Variants in SEMA3E observed in about 807,000 individuals in gnomAD.
The protein encoded by SEMA3E is semaphorin-3E.
SEMA3E carries 49 observed loss-of-function variants against 93.6 expected under a neutral mutation model. That is an observed-to-expected ratio of 0.52 (90% CI 0.42 to 0.66). The LOEUF (loss-of-function observed/expected upper bound fraction) is 0.66. SEMA3E is among the 30% of genes least tolerant of loss of function. The probability of loss-of-function intolerance (pLI) is 0.00; values close to 1 mark genes in which losing one functional copy is unlikely to be tolerated. For synonymous variants in SEMA3E, 363 were observed against 330.7 expected, an observed-to-expected ratio of 1.10 and a Z score of -1.06; for missense variants, 906 against 964.8, an observed-to-expected ratio of 0.94 and a Z score of 0.81.
intron 14 of SEMA3E, among the ~76,000 whole-genome samples, chr7:83,389,519 T>C (rs886081195): frequency 8.0e-6 from 1 of 124,718 alleles, no homozygotes; most frequent in African/African-American, 2.5e-5. Flanking sequence ...CATCACATTC[T>C]CCAGCAAGGT....
intron 3 of SEMA3E, among the ~76,000 whole-genome samples, chr7:83,467,544 T>C (rs1584268489): frequency 6.6e-6 from 1 of 152,236 alleles, no homozygotes; most frequent in African/African-American, 2.4e-5. Context: ...AAACTTTTTC[T>C]GTAAAGGACG....
At chr7:83,553,867 TAAATTTCCA>T (rs1562830322) in intron 1 of SEMA3E, among the ~76,000 whole-genome samples, 1 of 152,154 alleles carries the variant, frequency 6.6e-6, no homozygotes, top group Non-Finnish European at 1.5e-5. Context: ...TTTTATTATG[TAAATTTCCA>T]AAAATATGCA....
At chr7:83,372,820 T>C (rs1794767693) in intron 16 of SEMA3E, 1 of 152,156 alleles carries the variant, frequency 6.6e-6, no homozygotes, top group Admixed American at 6.5e-5. Flanking sequence ...CCTAGAAAGT[T>C]AGAGGTATCT....
At chr7:83,400,291 C>A in intron 10 of SEMA3E, 41 bp from the exon 11 acceptor site, 3 of 1,564,528 alleles carry the variant, frequency 1.9e-6, no homozygotes, top group Non-Finnish European at 2.6e-6. Context: ...TTGCTTTACA[C>A]CCAAAGAGAA....
At chr7:83,593,252 C>G (rs1031228603) in intron 1 of SEMA3E, among the ~76,000 whole-genome samples, 10 of 120,670 alleles carry the variant, frequency 8.3e-5, no homozygotes, top group African/African-American at 4.2e-5. Context: ...CTCTTTCTCT[C>G]TCTCTCTGTC....
intron 4 of SEMA3E, among the ~76,000 whole-genome samples, chr7:83,430,867 G>A (rs1259055155): frequency 6.6e-6 from 1 of 152,064 alleles, no homozygotes; most frequent in East Asian, 1.9e-4. Flanking sequence ...AAAAATTGAT[G>A]TGAAATCTTT....
rs1334904555 is a variant in SEMA3E, at chr7:83,366,145, A to G, written c.*1441T>C. The G allele has an allele frequency of 6.6e-6, 1 of 152,134 alleles. No homozygotes were observed. The highest frequency in any genetic ancestry group is 2.4e-5 in the African/African-American group (1 of 41,462). The allele number at this position is 152,134 out of a possible 1,614,324, so 9.4% of individuals were successfully genotyped here. On this transcript the variant is annotated 3_prime_UTR_variant, in exon 17 of 17. Transcript: ENST00000643230. ...GCACTTTAACTTAAATGTATAACCT[A>G]TAAGCTAACTTTGAAAACTGAAATA...
At chr7:83,446,840 A>C (rs1789241218) in intron 4 of SEMA3E, among the ~76,000 whole-genome samples, 1 of 152,180 alleles carries the variant, frequency 6.6e-6, no homozygotes, top group South Asian at 2.1e-4. Context: ...AACATTTAAC[A>C]CTCCCTTGTG....
intron 2 of SEMA3E, among the ~76,000 whole-genome samples, chr7:83,472,990 C>T (rs1434774162): frequency 6.6e-6 from 1 of 152,176 alleles, no homozygotes; most frequent in East Asian, 1.9e-4. Context: ...TTCCTGAGGC[C>T]TCCCTGGCAA....
At chr7:83,432,990 G>T (rs891824758) in intron 4 of SEMA3E, among the ~76,000 whole-genome samples, 4 of 152,100 alleles carry the variant, frequency 2.6e-5, no homozygotes, top group Non-Finnish European at 5.9e-5. Context: ...AGTAGCTTTT[G>T]AAAACTTTTG....
intron 1 of SEMA3E, among the ~76,000 whole-genome samples, chr7:83,505,203 T>G (rs35938469): frequency 0.37 from 55,899 of 152,012 alleles, 11,243 homozygotes; most frequent in East Asian, 0.43. Context: ...TATTTCAGCC[T>G]TTTTTCATAA....
intron 1 of SEMA3E, among the ~76,000 whole-genome samples, chr7:83,501,519 C>T (rs1484750627): frequency 1.3e-5 from 2 of 152,116 alleles, no homozygotes; most frequent in Non-Finnish European, 1.5e-5. Context: ...GTGGCACGAT[C>T]TTGGCTTACT....
intron 1 of SEMA3E, among the ~76,000 whole-genome samples, chr7:83,558,212 T>A (rs984063896): frequency 6.6e-6 from 1 of 152,182 alleles, no homozygotes; most frequent in African/African-American, 2.4e-5. Context: ...GTATATATAT[T>A]TTTTAAAGAC....
intron 1 of SEMA3E, among the ~76,000 whole-genome samples, chr7:83,609,868 T>G (rs534524952): frequency 6.6e-6 from 1 of 152,086 alleles, no homozygotes; most frequent in Non-Finnish European, 1.5e-5. Flanking sequence ...CTAATGTATT[T>G]TAAACCTTAC....
At chr7:83,599,688 A>G (rs1792943153) in intron 1 of SEMA3E, among the ~76,000 whole-genome samples, 2 of 152,218 alleles carry the variant, frequency 1.3e-5, no homozygotes, top group African/African-American at 4.8e-5. Flanking sequence ...AAAAATCATT[A>G]GAACTACAGA....
intron 1 of SEMA3E, among the ~76,000 whole-genome samples, chr7:83,535,069 C>G (rs1584315259): frequency 6.6e-6 from 1 of 152,166 alleles, no homozygotes; most frequent in Admixed American, 6.5e-5. Flanking sequence ...CATTTCCAGG[C>G]TCCAATGGTT....
intron 1 of SEMA3E, among the ~76,000 whole-genome samples, chr7:83,493,916 A>T (rs980620721): frequency 2.0e-5 from 3 of 152,032 alleles, no homozygotes; most frequent in Non-Finnish European, 4.4e-5. Flanking sequence ...ATAGGTGAAT[A>T]TTTGTGCTTT....
chr7:83,384,697 A>G (rs1225426693), intron 16 of SEMA3E, among the ~76,000 whole-genome samples: 3 of 152,128 alleles, frequency 2.0e-5, no homozygotes, highest in East Asian at 1.9e-4. Context: ...AAAGCTGCCT[A>G]TTCTTCCATC....
chr7:83,603,886 A>G (rs1793049508), intron 1 of SEMA3E, among the ~76,000 whole-genome samples: 1 of 152,082 alleles, frequency 6.6e-6, no homozygotes. Flanking sequence ...GGACTTGGCT[A>G]CTCCCCTTAC....
Sources: allele counts gnomAD v4.1 joint callset (sites outside exome capture counted in the v4.1 genomes callset), GRCh38; gene constraint gnomAD v4.1.1; transcripts MANE v1.5; gene names NCBI Gene and HGNC (gene_info 2026-07-23, HGNC 2026-07-21).